PCDH7: variants seen among roughly 807,000 people sequenced by gnomAD.
PCDH7 encodes protocadherin 7.
A neutral mutation model predicts 58.9 loss-of-function variants in PCDH7; 17 were observed. The ratio of observed to expected loss-of-function variants is 0.29; its 90% CI spans 0.20 to 0.43. PCDH7 has a LOEUF of 0.43. PCDH7 is among the 20% of genes least tolerant of loss of function. The pLI, the probability that PCDH7 is intolerant of heterozygous loss-of-function variation, is 1.00. For missense variants in PCDH7, 1,274 were observed against 1,441.0 expected (o/e 0.88, Z 1.88); for synonymous variants, 664 against 616.4 (o/e 1.08, Z -1.14).
chr4:30,759,552 A>T (rs1719762603), intron 1 of PCDH7, among the ~76,000 whole-genome samples: 1 of 152,190 alleles, frequency 6.6e-6, no homozygotes. Flanking sequence ...GAAAAGATAG[A>T]AGTTGAATAT....
At chr4:31,043,729 T>C (rs1756069410) in intron 3 of PCDH7, among the ~76,000 whole-genome samples, 1 of 152,160 alleles carries the variant, frequency 6.6e-6, no homozygotes, top group Admixed American at 6.6e-5. Context: ...ATTTCTCCCA[T>C]TGTGTAGATT....
chr4:30,753,808 A>C (rs1478005905), intron 1 of PCDH7, among the ~76,000 whole-genome samples: 3 of 152,128 alleles, frequency 2.0e-5, no homozygotes, highest in Non-Finnish European at 1.5e-5. Context: ...AATTCCTCCC[A>C]AAAAAATAAT....
At chr4:30,732,085 T>C (rs1317793796) in exon 2 of PCDH7, 2 of 152,188 alleles carry the variant, frequency 1.3e-5, no homozygotes, top group Non-Finnish European at 2.9e-5. Flanking sequence ...AAATGCACTG[T>C]AACCCCTGTG....
At chr4:31,016,914 T>A (rs913282758) in intron 3 of PCDH7, among the ~76,000 whole-genome samples, 1 of 149,822 alleles carries the variant, frequency 6.7e-6, no homozygotes, top group African/African-American at 2.5e-5. Flanking sequence ...GTGTGTGCTG[T>A]GTGTGTGTAC....
chr4:30,794,892 A>G (rs919642562), intron 1 of PCDH7, among the ~76,000 whole-genome samples: 1 of 152,188 alleles, frequency 6.6e-6, no homozygotes, highest in Non-Finnish European at 1.5e-5. Context: ...TCATTAGACA[A>G]TCAGAAAGTT....
intron 1 of PCDH7, among the ~76,000 whole-genome samples, chr4:30,789,916 A>G (rs1723898839): frequency 6.6e-6 from 1 of 152,322 alleles, no homozygotes; most frequent in South Asian, 2.1e-4. Flanking sequence ...GGGGAAAAGA[A>G]AAGGAAGACT....
intron 3 of PCDH7, among the ~76,000 whole-genome samples, chr4:30,966,771 A>G (rs1207307293): frequency 1.3e-5 from 2 of 152,152 alleles, no homozygotes; most frequent in Non-Finnish European, 2.9e-5. Context: ...TCCTCAGACC[A>G]TGCATCAAAT....
rs147122615 is a variant in PCDH7 at position 30,836,062 on chromosome 4, T to C, written c.71-84091T>C. Reference sequence around the variant, plus strand: ...AAGAGATTGAAGATGTTAGCAGTGCTAATTTATTTTCAGCTTTAATTCACC... The same window carrying C: ...AAGAGATTGAAGATGTTAGCAGTGCCAATTTATTTTCAGCTTTAATTCACC... On this transcript the variant is annotated intron_variant, in intron 1 of 3. Coordinates refer to the PCDH7 transcript ENST00000509759. Among the ~76,000 whole-genome samples, 20 of 152,356 alleles carry C rather than the reference T, an allele frequency of 1.3e-4. No individual in the cohort carries two copies. In the East Asian group the frequency reaches 3.7e-3, roughly 28 times the overall value.
At chr4:30,754,268 A>G (rs1718987880) in intron 1 of PCDH7, among the ~76,000 whole-genome samples, 2 of 152,048 alleles carry the variant, frequency 1.3e-5, no homozygotes, top group Admixed American at 6.6e-5. Context: ...TGTCCTGAAA[A>G]AAGTTTAGCT....
At chr4:30,759,514 G>A (rs534705045) in intron 1 of PCDH7, among the ~76,000 whole-genome samples, 1 of 152,196 alleles carries the variant, frequency 6.6e-6, no homozygotes, top group African/African-American at 2.4e-5. Context: ...TCAAGAGAAA[G>A]ATAAAGTTCA....
At chr4:30,984,170 G>A (rs112465445) in intron 3 of PCDH7, among the ~76,000 whole-genome samples, 1,999 of 152,230 alleles carry the variant, frequency 0.013, 45 homozygotes, top group African/African-American at 0.044. Context: ...TTCTTTGGGG[G>A]TGGTAAAAGT....
At chr4:30,976,568 T>C (rs1403804698) in intron 3 of PCDH7, among the ~76,000 whole-genome samples, 2 of 150,826 alleles carry the variant, frequency 1.3e-5, no homozygotes, top group Non-Finnish European at 3.0e-5. Flanking sequence ...CCCCAGCTAA[T>C]TTTTGTATTT....
intron 3 of PCDH7, among the ~76,000 whole-genome samples, chr4:31,037,132 A>G (rs1034694890): frequency 1.3e-5 from 2 of 151,964 alleles, no homozygotes; most frequent in African/African-American, 2.4e-5. Context: ...CCTCTCCAAC[A>G]TCATCTCCTG....
intron 3 of PCDH7, among the ~76,000 whole-genome samples, chr4:31,000,343 A>C (rs2109136435): frequency 6.6e-6 from 1 of 152,266 alleles, no homozygotes; most frequent in South Asian, 2.1e-4. Flanking sequence ...GCTATAGGAA[A>C]GTCTGAAATA....
At chr4:30,957,445 G>A (rs1186240703) in intron 3 of PCDH7, among the ~76,000 whole-genome samples, 2 of 152,058 alleles carry the variant, frequency 1.3e-5, no homozygotes, top group East Asian at 3.9e-4. Context: ...GAAGATGCAG[G>A]AAAATATTTT....
At chr4:30,999,113 G>A (rs1198209070) in intron 3 of PCDH7, among the ~76,000 whole-genome samples, 1 of 152,070 alleles carries the variant, frequency 6.6e-6, no homozygotes, top group Non-Finnish European at 1.5e-5. Context: ...AACTCTGGCT[G>A]TGACCTATAA....
intron 2 of PCDH7, among the ~76,000 whole-genome samples, chr4:30,927,696 A>G (rs1744055163): frequency 6.6e-6 from 1 of 152,110 alleles, no homozygotes; most frequent in Non-Finnish European, 1.5e-5. Context: ...TCTAATCTCA[A>G]GTACCCAGGG....
At chr4:30,839,818 G>C (rs1010394151) in intron 1 of PCDH7, among the ~76,000 whole-genome samples, 2 of 152,098 alleles carry the variant, frequency 1.3e-5, no homozygotes, top group African/African-American at 2.4e-5. Flanking sequence ...TAAAAGGCTT[G>C]ACTGGAAACC....
At chr4:31,030,118 G>GT (rs1224183670) in intron 3 of PCDH7, among the ~76,000 whole-genome samples, 2 of 120,364 alleles carry the variant, frequency 1.7e-5, no homozygotes, top group Non-Finnish European at 3.3e-5. Flanking sequence ...CTTTGTGTGG[G>GT]TTGCGTGTGT....
Sources: allele counts gnomAD v4.1 joint callset (sites outside exome capture counted in the v4.1 genomes callset), GRCh38; gene constraint gnomAD v4.1.1; transcripts MANE v1.5; gene names NCBI Gene and HGNC (gene_info 2026-07-23, HGNC 2026-07-21).